Variants in LPIN3 observed in about 807,000 individuals in gnomAD.
The protein encoded by LPIN3 is lipin 3.
A neutral mutation model predicts 94.7 loss-of-function variants in LPIN3; 82 were observed. The observed-to-expected ratio is 0.87, with a 90% CI of 0.72 to 1.04. LPIN3 has a LOEUF of 1.04. LPIN3 is among the 50% of genes least tolerant of loss of function. LPIN3 has a pLI of 0.00. For synonymous variants in LPIN3, 418 were observed against 443.3 expected (o/e 0.94, Z 0.72); for missense variants, 996 against 1,090.5 (o/e 0.91, Z 1.22).
rs1239112835 is a variant in LPIN3, at chr20:41,345,818, G to A, written c.15G>A (p.Gly5=). The change falls in exon 2 of 20, where the codon GGG becomes GGA. Residue 5 remains glycine, a synonymous_variant. Coordinates refer to ENST00000373257, the MANE Select transcript of LPIN3 (RefSeq NM_022896.3). MNYV[G]QLAETVFGTV... is the part of the protein sequence containing the mutation. ...CAGCACCAGCCATGAACTACGTGGG[G>A]CAGCTGGCGGAGACGGTGTTTGGGA... 2 of 1,612,694 alleles carry A rather than the reference G, an allele frequency of 1.2e-6. No homozygotes were observed. The highest frequency in any genetic ancestry group is 4.5e-5 in the East Asian group (2 of 44,838).
intron 1 of LPIN3, among the ~76,000 whole-genome samples, chr20:41,344,784 T>C (rs1208578593): frequency 2.6e-5 from 4 of 152,048 alleles, no homozygotes; most frequent in Admixed American, 2.0e-4. Context: ...CAAGGCCTGA[T>C]TGTGGGTCTG....
chr20:41,357,881 G>C lies in LPIN3; in HGVS notation c.2040-1G>C, dbSNP rs772548002. Reference sequence around the variant, plus strand: ...TATGCCACCCTGTCCCCCACTCTCAGAAATGGGTACAAGTTCCTGTACTGC... The same window carrying C: ...TATGCCACCCTGTCCCCCACTCTCACAAATGGGTACAAGTTCCTGTACTGC... On this transcript the variant is annotated splice_acceptor_variant, in intron 16 of 19. Coordinates refer to ENST00000373257, the MANE Select transcript of LPIN3 (RefSeq NM_022896.3). LOFTEE classifies it high-confidence loss of function. 4 of 1,613,956 alleles carry C rather than the reference G, an allele frequency of 2.5e-6. No homozygotes were observed. The highest frequency in any genetic ancestry group is 3.4e-6 in the Non-Finnish European group (4 of 1,180,002).
chr20:41,344,487 C>G lies in LPIN3; in HGVS notation c.-8-1309C>G, dbSNP rs1039924590. On this transcript the variant is annotated intron_variant, in intron 1 of 19. Coordinates refer to ENST00000373257, the MANE Select transcript of LPIN3 (RefSeq NM_022896.3). ...CAGGCTGTCCTCCAGGGGTTCTGAC[C>G]CAGGGTCTGAGAGAAGAAAGTGCTC... 2.6e-5 allele frequency among the ~76,000 whole-genome samples: 4 copies of G among 152,296 alleles called. 1 individual carries two copies. Among genetic ancestry groups the G allele is most frequent in the Admixed American group, 2.6e-4 (4 of 15,298 alleles).
intron 15 of LPIN3, 48 bp from the exon 16 acceptor site, chr20:41,357,313 T>G (rs1218162867): frequency 6.2e-7 from 1 of 1,605,364 alleles, no homozygotes; most frequent in Admixed American, 1.7e-5. Flanking sequence ...GGGCTGGAGC[T>G]GGGCCACGTG....
At chr20:41,357,310 A>C in intron 15 of LPIN3, 51 bp from the exon 16 acceptor site, 1 of 1,604,066 alleles carries the variant, frequency 6.2e-7, no homozygotes, top group African/African-American at 1.3e-5. Context: ...CTGGGGCTGG[A>C]GCTGGGCCAC....
intron 11 of LPIN3, 28 bp from the exon 12 acceptor site, chr20:41,354,617 C>A (rs766275165): frequency 1.9e-6 from 3 of 1,540,444 alleles, no homozygotes; most frequent in Non-Finnish European, 2.6e-6. Context: ...GTGCAGGAAA[C>A]ACTGCCATGG....
In LPIN3 at chr20:41,345,989, G is replaced by A; in HGVS notation, c.186G>A (p.Glu62=). ...FGKLGVLRSR[E]KVVDIELNGE... is the part of the protein sequence containing the mutation. ...AGCTGGGCGTCCTGCGGTCGCGGGA[G>A]AAGGTGGTGAGTGCTCAGGCTGGCT... The change falls in exon 2 of 20, where the codon GAG becomes GAA. Residue 62 remains glutamate, a synonymous_variant. Transcript: ENST00000373257. 1 of 1,613,174 alleles carries A rather than the reference G, an allele frequency of 6.2e-7. No homozygotes were observed. The highest frequency in any genetic ancestry group is 1.1e-5 in the South Asian group (1 of 90,992).
At chr20:41,357,266 A>C (rs2046242907) in intron 15 of LPIN3, 78 bp downstream of exon 15, 1 of 1,603,322 alleles carries the variant, frequency 6.2e-7, no homozygotes, top group Non-Finnish European at 8.5e-7. Context: ...TGTGGTGGGG[A>C]GTGAGAGGAG....
chr20:41,342,978 G>A (rs1157656594), intron 1 of LPIN3, among the ~76,000 whole-genome samples: 2 of 152,282 alleles, frequency 1.3e-5, no homozygotes, highest in African/African-American at 4.8e-5. Context: ...CTAGATCGTG[G>A]TTCTCAGCTG....
intron 3 of LPIN3, 52 bp from the exon 4 acceptor site, chr20:41,348,567 C>T (rs376995334): frequency 2.7e-5 from 42 of 1,555,228 alleles, no homozygotes; most frequent in Non-Finnish European, 3.5e-5. Flanking sequence ...GTGTGGTGAG[C>T]GCAGCCCCAC....
In LPIN3 at chr20:41,340,841, C is replaced by A. The variant is rs1205616556; in HGVS notation, c.-170C>A. 1 of 152,256 alleles carries A rather than the reference C, an allele frequency of 6.6e-6. No individual in the cohort carries two copies. Among genetic ancestry groups the A allele is most frequent in the African/African-American group, 2.4e-5 (1 of 41,430 alleles). 9.4% of individuals were successfully genotyped at this position (152,256 alleles called of 1,614,324 possible). A position where few individuals can be genotyped will look rare whatever the true frequency, so the allele number is the denominator to read the frequency against. On this transcript the variant is annotated 5_prime_UTR_variant, in exon 1 of 20. Transcript: ENST00000373257. ...TGGGCAGATTGGGGCCTGTGGAGGC[C>A]GCACTAGGATCGTAGAAGGAGTGGA...
At chr20:41,351,211 C>T (rs368889243) in intron 7 of LPIN3, among the ~76,000 whole-genome samples, 3 of 151,030 alleles carry the variant, frequency 2.0e-5, no homozygotes, top group East Asian at 3.9e-4. Flanking sequence ...TATGATCATG[C>T]GATCACACCA....
At chr20:41,347,448 G>C in intron 2 of LPIN3, 104 bp from the exon 3 acceptor site, 1 of 1,036,392 alleles carries the variant, frequency 9.6e-7, no homozygotes. Context: ...CAGCAAGTAT[G>C]GTGTTTGGGG....
Position 41,357,089 on chromosome 20 carries a change from C to T in LPIN3, c.1853C>T (p.Thr618Ile), listed in dbSNP as rs750795339. 1.9e-6 allele frequency: 3 copies of T among 1,614,084 alleles called. No individual in the cohort carries two copies. The highest frequency in any genetic ancestry group is 4.5e-5 in the East Asian group (2 of 44,870). ...GCCAATGATGTGGTCTTCAGCGTGA[C>T]CACTCAGTACCAGGGCACCTGCCGC... ...EGANDVVFSV[T>I]TQYQGTCRCK... Residue 618 changes from threonine (T) to isoleucine (I), a missense_variant, in exon 15 of 20, where the codon ACC (threonine) becomes ATC (isoleucine). Transcript: ENST00000373257.
At position 41,346,815 on chromosome 20, in the gene LPIN3, G is replaced by C. The variant is rs868479209; in HGVS notation, c.193-737G>C. On this transcript the variant is annotated intron_variant, in intron 2 of 19. Coordinates refer to ENST00000373257, the MANE Select transcript of LPIN3 (RefSeq NM_022896.3). Reference sequence around the variant, plus strand: ...TCACAGGGCTCAGGCAAGCACAGCAGAGATTTTTGTTAGCAGCAAGGTCTA... The same window carrying C: ...TCACAGGGCTCAGGCAAGCACAGCACAGATTTTTGTTAGCAGCAAGGTCTA... Among the ~76,000 whole-genome samples, 66 of 152,320 alleles carry C rather than the reference G, an allele frequency of 4.3e-4. No individual in the cohort carries two copies. The Middle Eastern group carries it at 0.014, about 31-fold the overall frequency.
intron 15 of LPIN3, 65 bp from the exon 16 acceptor site, chr20:41,357,296 C>A: frequency 6.3e-7 from 1 of 1,598,156 alleles, no homozygotes; most frequent in Admixed American, 1.7e-5. Flanking sequence ...CCTGGTGGGC[C>A]ATCCTGGGGC....
chr20:41,356,290 G>A (rs79165254), intron 14 of LPIN3, among the ~76,000 whole-genome samples: 1 of 152,180 alleles, frequency 6.6e-6, no homozygotes, highest in Non-Finnish European at 1.5e-5. Flanking sequence ...ATATCAACCT[G>A]TAGTGAGCCA....
chr20:41,347,464 A>G lies in LPIN3; in HGVS notation c.193-88A>G, dbSNP rs550482258. The G allele has an allele frequency of 1.2e-4, 149 of 1,263,570 alleles. 1 individual carries two copies. The East Asian group carries it at 3.3e-3, about 28-fold the overall frequency. The allele number at this position is 1,263,570 out of a possible 1,614,324, so 78.3% of individuals were successfully genotyped here. ...AGCAAGTATGGTGTTTGGGGCGGCA[A>G]GGAGCCACTGGAGGACCAGCCAGGA... On this transcript the variant is annotated intron_variant, in intron 2 of 19. Transcript: ENST00000373257.
chr20:41,351,121 C>T (rs1417809597), intron 7 of LPIN3, among the ~76,000 whole-genome samples: 1 of 151,288 alleles, frequency 6.6e-6, no homozygotes, highest in Non-Finnish European at 1.5e-5. Context: ...GGCATGGTGG[C>T]ATGTGCCTGT....
Sources: allele counts gnomAD v4.1 joint callset (sites outside exome capture counted in the v4.1 genomes callset), GRCh38; gene constraint gnomAD v4.1.1; transcripts MANE v1.5; gene names NCBI Gene and HGNC (gene_info 2026-07-23, HGNC 2026-07-21).